Variants in ADAM12 observed in about 807,000 individuals in gnomAD.
The protein encoded by ADAM12 is ADAM metallopeptidase domain 12.
ADAM12 carries 70 observed loss-of-function variants against 106.4 expected under a neutral mutation model. The ratio of observed to expected loss-of-function variants is 0.66; its 90% CI spans 0.54 to 0.80. The LOEUF (loss-of-function observed/expected upper bound fraction) is 0.80. Ranked by LOEUF, ADAM12 falls within the 30% of genes least tolerant of loss-of-function variation. The probability of loss-of-function intolerance (pLI) is 0.00; values close to 1 mark genes in which losing one functional copy is unlikely to be tolerated. For synonymous variants in ADAM12, 420 were observed against 433.5 expected (o/e 0.97, Z 0.39); for missense variants, 1,010 against 1,171.9 (o/e 0.86, Z 2.02).
At chr10:126,126,890 G>A (rs956527169) in intron 5 of ADAM12, among the ~76,000 whole-genome samples, 3 of 152,254 alleles carry the variant, frequency 2.0e-5, no homozygotes, top group Non-Finnish European at 2.9e-5. Flanking sequence ...AGGTCAGGTG[G>A]AGAGCCAGTC....
chr10:126,166,005 C>G, intron 3 of ADAM12, among the ~76,000 whole-genome samples: 1 of 152,178 alleles, frequency 6.6e-6, no homozygotes, highest in East Asian at 1.9e-4. Context: ...ATAAAAAAAG[C>G]TTCCTTTGCC....
intron 8 of ADAM12, among the ~76,000 whole-genome samples, chr10:126,105,979 A>T (rs528692797): frequency 2.6e-5 from 4 of 152,212 alleles, no homozygotes; most frequent in Non-Finnish European, 5.9e-5. Context: ...AGAAAGTTCC[A>T]TGTAGCCATA....
At chr10:126,319,341 A>G (rs1854012386) in intron 2 of ADAM12, among the ~76,000 whole-genome samples, 1 of 152,156 alleles carries the variant, frequency 6.6e-6, no homozygotes, top group Non-Finnish European at 1.5e-5. Flanking sequence ...CAGCAAACAC[A>G]ACCTCAGCCA....
intron 11 of ADAM12, among the ~76,000 whole-genome samples, chr10:126,074,046 TGA>T (rs1955052396): frequency 1.3e-5 from 2 of 152,240 alleles, no homozygotes; most frequent in African/African-American, 2.4e-5. Flanking sequence ...CTTCTGTATC[TGA>T]GAGTTTTCCT....
intron 21 of ADAM12, among the ~76,000 whole-genome samples, chr10:126,029,697 C>T (rs1358477802): frequency 6.6e-6 from 1 of 152,138 alleles, no homozygotes; most frequent in Admixed American, 6.5e-5. Context: ...TGCACATGTA[C>T]CCCGATCTTA....
At chr10:126,177,253 T>C (rs1025546410) in intron 3 of ADAM12, among the ~76,000 whole-genome samples, 1 of 148,926 alleles carries the variant, frequency 6.7e-6, no homozygotes, top group Non-Finnish European at 1.5e-5. Flanking sequence ...AGATTGTAAA[T>C]GGAAAAAAAA....
intron 3 of ADAM12, among the ~76,000 whole-genome samples, chr10:126,223,360 C>A (rs1332941711): frequency 6.6e-6 from 1 of 152,220 alleles, no homozygotes; most frequent in African/African-American, 2.4e-5. Flanking sequence ...AGGTTCTAAG[C>A]ACCAAGGAGA....
At chr10:126,018,332 G>A (rs1953697524) in intron 22 of ADAM12, among the ~76,000 whole-genome samples, 1 of 152,194 alleles carries the variant, frequency 6.6e-6, no homozygotes. Flanking sequence ...GGTAAATGTT[G>A]AACAGCCCAT....
chr10:126,249,929 A>C (rs1316395923), intron 3 of ADAM12, among the ~76,000 whole-genome samples: 2 of 152,150 alleles, frequency 1.3e-5, no homozygotes, highest in Non-Finnish European at 2.9e-5. Context: ...TTAAAGGGAG[A>C]ACTGGGTCTT....
intron 11 of ADAM12, among the ~76,000 whole-genome samples, chr10:126,092,786 G>C (rs1955490078): frequency 6.6e-6 from 1 of 152,196 alleles, no homozygotes; most frequent in Non-Finnish European, 1.5e-5. Context: ...CTTGCTGTAA[G>C]AAGATGCCTC....
intron 21 of ADAM12, among the ~76,000 whole-genome samples, chr10:126,031,022 G>A (rs1953962528): frequency 6.6e-6 from 1 of 152,172 alleles, no homozygotes; most frequent in South Asian, 2.1e-4. Flanking sequence ...CAGAAGTAGG[G>A]CAGAGCTGGC....
intron 10 of ADAM12, 27 bp from the exon 11 acceptor site, chr10:126,094,160 G>A (rs1421905629): frequency 3.0e-5 from 49 of 1,607,102 alleles, no homozygotes; most frequent in Non-Finnish European, 3.9e-5. Flanking sequence ...AAGTACAGGT[G>A]TATAATTCAT....
At chr10:126,187,824 G>A (rs1190464539) in intron 3 of ADAM12, among the ~76,000 whole-genome samples, 1 of 152,210 alleles carries the variant, frequency 6.6e-6, no homozygotes, top group African/African-American at 2.4e-5. Context: ...ACCTCCTTAT[G>A]TTCCACTAGG....
intron 11 of ADAM12, among the ~76,000 whole-genome samples, chr10:126,081,605 C>A (rs1444674892): frequency 6.6e-6 from 1 of 152,196 alleles, no homozygotes; most frequent in African/African-American, 2.4e-5. Flanking sequence ...GGTGAGAACT[C>A]AAGTCCGAAG....
At chr10:126,075,139 A>T (rs1279429937) in intron 11 of ADAM12, among the ~76,000 whole-genome samples, 1 of 152,190 alleles carries the variant, frequency 6.6e-6, no homozygotes, top group Non-Finnish European at 1.5e-5. Flanking sequence ...TGAAGAAAAA[A>T]ATGCCTCGTT....
At position 126,066,674 on chromosome 10, in the gene ADAM12, C is replaced by A; in HGVS notation, c.1413+43G>T. The A allele has an allele frequency of 6.3e-7, 1 of 1,588,294 alleles. No homozygotes were observed. The highest frequency in any genetic ancestry group is 8.6e-7 in the Non-Finnish European group (1 of 1,156,624). On this transcript the variant is annotated intron_variant, in intron 13 of 22. Coordinates refer to ENST00000448723, the MANE Select transcript of ADAM12 (RefSeq NM_001288973.2). The surrounding 1 kb of genome is among the most constrained non-coding windows in gnomAD (Gnocchi z 5.1). ...TGCATCAGATCTGAACCACCTGAAC[C>A]TGTTGGCGACCTGGGGGTCAAGTTG...
chr10:126,128,761 G>C (rs887322303), intron 5 of ADAM12, among the ~76,000 whole-genome samples: 1 of 136,954 alleles, frequency 7.3e-6, no homozygotes, highest in Non-Finnish European at 1.6e-5. Flanking sequence ...GTGCAAGTGG[G>C]CGCCTGCCCA....
At chr10:126,348,286 C>T (rs922847643) in intron 1 of ADAM12, among the ~76,000 whole-genome samples, 7 of 152,116 alleles carry the variant, frequency 4.6e-5, no homozygotes, top group Non-Finnish European at 7.3e-5. Context: ...TAAGAGCAAT[C>T]GGAGTTGGGC....
intron 3 of ADAM12, among the ~76,000 whole-genome samples, chr10:126,158,586 G>A (rs1956869594): frequency 1.9e-5 from 2 of 103,134 alleles, no homozygotes; most frequent in African/African-American, 6.8e-5. Flanking sequence ...AGCCGGGGGT[G>A]GGGATGCAGA....
Sources: gnomAD v4.1 joint callset for allele counts (sites outside exome capture counted in the v4.1 genomes callset) on GRCh38, gnomAD v4.1.1 for gene constraint, Gnocchi (gnomAD v3.1) non-coding constraint, MANE v1.5 for transcripts, NCBI Gene and HGNC (gene_info 2026-07-23, HGNC 2026-07-21) for gene names.